The following TRAPPC9 variants were observed in gnomAD, a reference collection of about 807,000 sequenced individuals.
TRAPPC9 encodes trafficking protein particle complex subunit 9, also known as IKK2 binding protein.
In TRAPPC9, 83 loss-of-function variants were observed where a neutral mutation model predicts 124.0. The observed-to-expected ratio is 0.67, with a 90% CI of 0.56 to 0.80. TRAPPC9 has a LOEUF of 0.80. TRAPPC9 is among the 30% of genes least tolerant of loss of function. The probability of loss-of-function intolerance (pLI) is 0.00; values close to 1 mark genes in which losing one functional copy is unlikely to be tolerated. For synonymous variants in TRAPPC9, 638 were observed against 617.5 expected, an observed-to-expected ratio of 1.03 and a Z score of -0.49; for missense variants, 1,302 against 1,508.3, an observed-to-expected ratio of 0.86 and a Z score of 2.27.
At chr8:140,014,474 T>C (rs1340645125) in intron 18 of TRAPPC9, among the ~76,000 whole-genome samples, 1 of 152,158 alleles carries the variant, frequency 6.6e-6, no homozygotes, top group African/African-American at 2.4e-5. Context: ...TACCTATCTA[T>C]ATTGGGCTTT....
At chr8:140,026,201 T>C (rs1467442607) in intron 17 of TRAPPC9, among the ~76,000 whole-genome samples, 4 of 152,230 alleles carry the variant, frequency 2.6e-5, no homozygotes, top group African/African-American at 9.7e-5. Context: ...TAAAGACCAA[T>C]ATTCCATTAC....
rs2060473273 is a variant in TRAPPC9 at position 140,097,469 on chromosome 8, TGCCA to T, written c.2557-73394_2557-73391del. 6.6e-6 allele frequency: 1 copy of T among 152,194 alleles called. No homozygotes were observed. The highest frequency in any genetic ancestry group is 2.4e-5 in the African/African-American group (1 of 41,412). The allele number at this position is 152,194 out of a possible 1,614,324, so 9.4% of individuals were successfully genotyped here. A position where few individuals can be genotyped will look rare whatever the true frequency, so the allele number is the denominator to read the frequency against. ...TGAGTCCTGGCTGCGCAGCCTGTGT[TGCCA>T]GTCGCAGGGTAATACACTCGCCTGC... On this transcript the variant is annotated intron_variant, in intron 17 of 22. Coordinates refer to ENST00000438773, the MANE Select transcript of TRAPPC9 (RefSeq NM_001160372.4). This position sits in a 1 kb window ranked among gnomAD's most constrained non-coding sequence, Gnocchi z 4.2.
intron 15 of TRAPPC9, among the ~76,000 whole-genome samples, chr8:140,274,703 A>C (rs1169590137): frequency 6.6e-6 from 1 of 152,194 alleles, no homozygotes; most frequent in Non-Finnish European, 1.5e-5. Flanking sequence ...TCAAGCTGGA[A>C]CTAACCAGAG....
rs376742315 is a variant in TRAPPC9, at chr8:140,027,687, G to A, written c.2557-3608C>T. On this transcript the variant is annotated intron_variant, in intron 17 of 22. Transcript: ENST00000438773. ...CTCACACTACTATAAAGAACTGCCCGAGACTGGGTAATTTATAAAGAAAAG... is the reference window on the plus strand; with the variant it reads ...CTCACACTACTATAAAGAACTGCCCAAGACTGGGTAATTTATAAAGAAAAG... Among the ~76,000 whole-genome samples, 14 of 152,274 alleles carry A rather than the reference G, an allele frequency of 9.2e-5. No individual in the cohort carries two copies. The East Asian group carries it at 1.7e-3, about 19-fold the overall frequency.
chr8:140,424,349 TAA>T (rs1207453509), intron 5 of TRAPPC9, among the ~76,000 whole-genome samples: 1 of 143,314 alleles, frequency 7.0e-6, no homozygotes, highest in Non-Finnish European at 1.5e-5. Context: ...GAAATTAAAT[TAA>T]AAAAAAAAAA....
At chr8:140,108,129 GA>G (rs1448092914) in intron 17 of TRAPPC9, among the ~76,000 whole-genome samples, 1 of 151,814 alleles carries the variant, frequency 6.6e-6, no homozygotes, top group African/African-American at 2.4e-5. Flanking sequence ...TGGGGGCGGG[GA>G]GTTAAGAATT....
At chr8:140,292,920 G>A (rs1397417707) in intron 11 of TRAPPC9, among the ~76,000 whole-genome samples, 1 of 140,074 alleles carries the variant, frequency 7.1e-6, no homozygotes, top group East Asian at 2.0e-4. Context: ...CCATCAGAGT[G>A]AACAGGCAAC....
At chr8:140,360,227 C>T (rs750083860) in intron 8 of TRAPPC9, 34 bp from the exon 9 acceptor site, 2 of 1,613,738 alleles carry the variant, frequency 1.2e-6, no homozygotes, top group Non-Finnish European at 1.7e-6. Flanking sequence ...CACAAAAGTG[C>T]TTGGAGAGGG....
At chr8:140,109,191 C>G (rs898735723) in intron 17 of TRAPPC9, among the ~76,000 whole-genome samples, 5 of 152,170 alleles carry the variant, frequency 3.3e-5, no homozygotes, top group African/African-American at 1.2e-4. Context: ...GGGCCGAGCA[C>G]AGAGACAAAT....
intron 16 of TRAPPC9, among the ~76,000 whole-genome samples, chr8:140,229,429 T>C (rs373439376): frequency 2.6e-5 from 4 of 151,226 alleles, no homozygotes; most frequent in South Asian, 2.2e-4. Flanking sequence ...GCCTGGCTAA[T>C]TTTTTTTCGT....
chr8:140,010,713 G>A (rs919232995), intron 18 of TRAPPC9, among the ~76,000 whole-genome samples: 1 of 152,182 alleles, frequency 6.6e-6, no homozygotes, highest in African/African-American at 2.4e-5. Context: ...AGGGAGAAAC[G>A]AACAGTCTCA....
chr8:140,005,978 T>C (rs895003554), intron 18 of TRAPPC9, among the ~76,000 whole-genome samples: 2 of 151,414 alleles, frequency 1.3e-5, no homozygotes, highest in Admixed American at 1.3e-4. Flanking sequence ...TTAGAATACT[T>C]TGGAATCTAC....
At chr8:140,055,868 A>G (rs1007682701) in intron 17 of TRAPPC9, among the ~76,000 whole-genome samples, 1 of 152,198 alleles carries the variant, frequency 6.6e-6, no homozygotes, top group African/African-American at 2.4e-5. Context: ...AAATGAATAC[A>G]AGGACATCTC....
intron 17 of TRAPPC9, among the ~76,000 whole-genome samples, chr8:140,116,701 G>A (rs192914571): frequency 1.3e-3 from 203 of 152,304 alleles, no homozygotes; most frequent in Non-Finnish European, 2.2e-3. Context: ...CGCTGCCCAC[G>A]TCTGGGGTAC....
Position 140,276,812 on chromosome 8 carries a change from GGGA to G in TRAPPC9, c.2115-994_2115-992del, listed in dbSNP as rs563882936. ...GCAGACAGAGGAGGTGGCCAGAGCG[GGGA>G]GGCCAACATGTTCTCCTGGGGCCTG... On this transcript the variant is annotated intron_variant, in intron 14 of 22. Transcript: ENST00000438773. Among the ~76,000 whole-genome samples the G allele has an allele frequency of 2.1e-3, 310 of 146,742 alleles. 2 individuals carry two copies. The highest frequency in any genetic ancestry group is 8.2e-3 in the African/African-American group (301 of 36,602).
chr8:140,038,936 C>T (rs1340306460), intron 17 of TRAPPC9, among the ~76,000 whole-genome samples: 3 of 152,176 alleles, frequency 2.0e-5, no homozygotes, highest in African/African-American at 7.2e-5. Context: ...CATCCTCACA[C>T]CCTCGTACCT....
At chr8:139,895,405 G>A (rs1363280644) in intron 20 of TRAPPC9, among the ~76,000 whole-genome samples, 2 of 152,178 alleles carry the variant, frequency 1.3e-5, no homozygotes, top group East Asian at 1.9e-4. Flanking sequence ...GGTAAAAAGG[G>A]TGTTTGCATG....
intron 17 of TRAPPC9, among the ~76,000 whole-genome samples, chr8:140,037,627 T>TAC (rs869201192): frequency 1.4e-5 from 2 of 140,128 alleles, no homozygotes; most frequent in Non-Finnish European, 3.1e-5. Flanking sequence ...TACAGACACA[T>TAC]ACACACACAC....
chr8:140,033,022 C>A (rs1840599241), intron 17 of TRAPPC9, among the ~76,000 whole-genome samples: 1 of 152,080 alleles, frequency 6.6e-6, no homozygotes, highest in African/African-American at 2.4e-5. Context: ...ATTTTCATGC[C>A]TTTTTCATGA....
Sources: gnomAD v4.1 joint callset for allele counts (sites outside exome capture counted in the v4.1 genomes callset) on GRCh38, gnomAD v4.1.1 for gene constraint, Gnocchi (gnomAD v3.1) non-coding constraint, MANE v1.5 for transcripts, NCBI Gene and HGNC (gene_info 2026-07-23, HGNC 2026-07-21) for gene names.